The following CD80 variants were observed in gnomAD, a reference collection of about 807,000 sequenced individuals.
CD80 encodes CD80 molecule.
CD80 carries 13 observed loss-of-function variants against 27.1 expected under a neutral mutation model. The observed-to-expected ratio is 0.48, with a 90% CI of 0.31 to 0.76. The LOEUF is 0.76. CD80 is among the 30% of genes least tolerant of loss of function. The pLI, the probability that CD80 is intolerant of heterozygous loss-of-function variation, is 0.04. For missense variants in CD80, 277 were observed against 347.9 expected, an observed-to-expected ratio of 0.80 and a Z score of 1.62; for synonymous variants, 125 against 125.5, an observed-to-expected ratio of 1.00 and a Z score of 0.03.
Position 119,557,863 on chromosome 3 carries a change from T to G in CD80, c.-135A>C, listed in dbSNP as rs2082272850. 2.1e-6 allele frequency: 1 copy of G among 476,484 alleles called. No individual in the cohort carries two copies. The highest frequency in any genetic ancestry group is 5.5e-4 in the Middle Eastern group (1 of 1,826). 29.5% of individuals were successfully genotyped at this position (476,484 alleles called of 1,614,324 possible). A position where few individuals can be genotyped will look rare whatever the true frequency, so the allele number is the denominator to read the frequency against. ...ACGTAGAAGACCCTCCAGTGATGTT[T>G]ACAAAACACACAGAGATTGGAGGGT... On this transcript the variant is annotated 5_prime_UTR_variant, in exon 2 of 7. Coordinates refer to ENST00000264246, the MANE Select transcript of CD80 (RefSeq NM_005191.4).
intron 4 of CD80, among the ~76,000 whole-genome samples, chr3:119,530,187 A>T (rs547031972): frequency 6.6e-6 from 1 of 152,376 alleles, no homozygotes; most frequent in African/African-American, 2.4e-5. Flanking sequence ...TTAAGTTGAC[A>T]TAAGGAAGAT....
In CD80 at chr3:119,559,098, G is replaced by A. The variant is rs148510831; in HGVS notation, c.-201+342C>T. ...GTCACACAGGCTAGAGTGCAGTGGC[G>A]TGACCATAGCTCACCACAGTCTCAA... On this transcript the variant is annotated intron_variant, in intron 1 of 6. Coordinates refer to ENST00000264246, the MANE Select transcript of CD80 (RefSeq NM_005191.4). Among the ~76,000 whole-genome samples the A allele has an allele frequency of 3.9e-3, 592 of 152,266 alleles. 23 individuals carry two copies. Among genetic ancestry groups the A allele is most frequent in the Admixed American group, 0.034 (524 of 15,288 alleles).
chr3:119,531,250 A>G (rs1313336502), intron 4 of CD80, among the ~76,000 whole-genome samples: 1 of 152,244 alleles, frequency 6.6e-6, no homozygotes, highest in East Asian at 1.9e-4. Context: ...TTCCAGCTCC[A>G]ATTATCTTCT....
chr3:119,536,253 A>C (rs1319883363), intron 4 of CD80, among the ~76,000 whole-genome samples: 3 of 152,156 alleles, frequency 2.0e-5, no homozygotes, highest in Non-Finnish European at 4.4e-5. Flanking sequence ...ACTGTCTCAA[A>C]AAAATAAATA....
At chr3:119,526,809 A>G (rs1211126404) in intron 6 of CD80, among the ~76,000 whole-genome samples, 1 of 152,112 alleles carries the variant, frequency 6.6e-6, no homozygotes, top group East Asian at 1.9e-4. Context: ...CTTTATTTTT[A>G]AAGATAATTT....
intron 3 of CD80, among the ~76,000 whole-genome samples, chr3:119,541,899 G>GC (rs2082171143): frequency 6.6e-6 from 1 of 151,928 alleles, no homozygotes; most frequent in African/African-American, 2.4e-5. Flanking sequence ...AATAGGGCCT[G>GC]CCCCCCTTGA....
At chr3:119,554,717 C>T (rs1388815733) in intron 2 of CD80, among the ~76,000 whole-genome samples, 1 of 152,158 alleles carries the variant, frequency 6.6e-6, no homozygotes, top group Non-Finnish European at 1.5e-5. Context: ...TAATCCTACT[C>T]CACTGTATTC....
At chr3:119,545,139 T>C (rs1307553173) in intron 2 of CD80, among the ~76,000 whole-genome samples, 1 of 152,096 alleles carries the variant, frequency 6.6e-6, no homozygotes, top group African/African-American at 2.4e-5. Context: ...AGGTCAGGAG[T>C]TCGAGACCAG....
rs1167913072 is a variant in CD80, at chr3:119,524,412, A to T, written c.*1376T>A. On this transcript the variant is annotated 3_prime_UTR_variant, in exon 7 of 7. Transcript: ENST00000264246. ...GTCATCACAACTGTTACTAAATGGAAAAGAAAAGAATTATTGAGTTAAGTA... is the reference window on the plus strand; with the variant it reads ...GTCATCACAACTGTTACTAAATGGATAAGAAAAGAATTATTGAGTTAAGTA... 1 of 152,250 alleles carries T rather than the reference A, an allele frequency of 6.6e-6. No homozygotes were observed. Among genetic ancestry groups the T allele is most frequent in the African/African-American group, 2.4e-5 (1 of 41,470 alleles). 9.4% of individuals were successfully genotyped at this position (152,250 alleles called of 1,614,324 possible). A position where few individuals can be genotyped will look rare whatever the true frequency, so the allele number is the denominator to read the frequency against.
Position 119,557,797 on chromosome 3 carries a change from C to A in CD80, c.-69G>T. ...ACCCAAGTAAGACCAGGGCACTTCC[C>A]AGGTGCAAAACAGGCAGGGCTGATG... On this transcript the variant is annotated 5_prime_UTR_variant, in exon 2 of 7. Coordinates refer to ENST00000264246, the MANE Select transcript of CD80 (RefSeq NM_005191.4). 1 of 1,096,016 alleles carries A rather than the reference C, an allele frequency of 9.1e-7. No individual in the cohort carries two copies. The highest frequency in any genetic ancestry group is 1.5e-5 in the South Asian group (1 of 67,156). 67.9% of individuals were successfully genotyped at this position (1,096,016 alleles called of 1,614,324 possible).
chr3:119,557,511 C>A, intron 2 of CD80, 118 bp downstream of exon 2: 1 of 583,942 alleles, frequency 1.7e-6, no homozygotes. Flanking sequence ...CTTCTGAAAA[C>A]ACCCTGAAGG....
rs10575529 is a variant in CD80 at position 119,532,498 on chromosome 3, G to GA, written c.701-2562dup. ...AGAATCTATCTCAGAAAAAGACAAA[G>GA]AAAAAAAAAAAAAAGAAGTGCCATC... On this transcript the variant is annotated intron_variant, in intron 4 of 6. Coordinates refer to ENST00000264246, the MANE Select transcript of CD80 (RefSeq NM_005191.4). Among the ~76,000 whole-genome samples the GA allele has an allele frequency of 3.7e-3, 512 of 139,292 alleles. 1 individual carries two copies. The highest frequency in any genetic ancestry group is 0.012 in the African/African-American group (440 of 37,178). 91.4% of individuals were successfully genotyped at this position (139,292 alleles called of 152,430 possible).
intron 5 of CD80, among the ~76,000 whole-genome samples, chr3:119,528,883 G>T (rs1320181667): frequency 1.4e-5 from 2 of 147,202 alleles, no homozygotes; most frequent in African/African-American, 2.5e-5. Flanking sequence ...TGAGATCGGG[G>T]CATACACTCC....
intron 4 of CD80, 32 bp downstream of exon 4, chr3:119,537,105 T>C (rs528674533): frequency 8.7e-5 from 137 of 1,583,654 alleles, no homozygotes; most frequent in Non-Finnish European, 1.1e-4. Flanking sequence ...AGATTCGATA[T>C]AGTAGAAACT....
At chr3:119,539,337 C>CTAT in intron 3 of CD80, among the ~76,000 whole-genome samples, 1 of 151,524 alleles carries the variant, frequency 6.6e-6, no homozygotes, top group East Asian at 1.9e-4. Flanking sequence ...TGGGATGAAG[C>CTAT]TATGCTAGCT....
chr3:119,547,254 T>A (rs1405375870), intron 2 of CD80, among the ~76,000 whole-genome samples: 1 of 152,254 alleles, frequency 6.6e-6, no homozygotes, highest in Non-Finnish European at 1.5e-5. Context: ...TTGGTTATTA[T>A]GAAGATTAAA....
At chr3:119,558,667 G>A (rs2082276842) in intron 1 of CD80, among the ~76,000 whole-genome samples, 1 of 151,718 alleles carries the variant, frequency 6.6e-6, no homozygotes, top group Non-Finnish European at 1.5e-5. Context: ...GGAGGCTGAG[G>A]CACGAGAATT....
intron 1 of CD80, among the ~76,000 whole-genome samples, chr3:119,558,634 G>A (rs1426436778): frequency 1.3e-5 from 2 of 151,920 alleles, no homozygotes; most frequent in East Asian, 1.9e-4. Context: ...GTGGTGGTGG[G>A]TGCCTGTAAT....
chr3:119,537,101 G>T, intron 4 of CD80, 36 bp downstream of exon 4: 1 of 1,564,114 alleles, frequency 6.4e-7, no homozygotes, highest in South Asian at 1.1e-5. Flanking sequence ...TTTTAGATTC[G>T]ATATAGTAGA....
Sources: gnomAD v4.1 joint callset for allele counts (sites outside exome capture counted in the v4.1 genomes callset) on GRCh38, gnomAD v4.1.1 for gene constraint, MANE v1.5 for transcripts, NCBI Gene and HGNC (gene_info 2026-07-23, HGNC 2026-07-21) for gene names.